The following OSBPL10 variants were observed in gnomAD, a reference collection of about 807,000 sequenced individuals.
OSBPL10 encodes the protein oxysterol-binding protein-related protein 10.
In OSBPL10, 49 loss-of-function variants were observed where a neutral mutation model predicts 81.7. The ratio of observed to expected loss-of-function variants is 0.60; its 90% confidence interval spans 0.48 to 0.76. The LOEUF (loss-of-function observed/expected upper bound fraction) is 0.76. Among genes scored for constraint, OSBPL10 ranks in the 30% least tolerant of loss-of-function variants. The probability of loss-of-function intolerance (pLI) is 0.00; values close to 1 mark genes in which losing one functional copy is unlikely to be tolerated. For missense variants in OSBPL10, 923 were observed against 987.8 expected, an observed-to-expected ratio of 0.93 and a Z score of 0.88; for synonymous variants, 419 against 383.6, an observed-to-expected ratio of 1.09 and a Z score of -1.08.
intron 4 of OSBPL10, among the ~76,000 whole-genome samples, chr3:31,752,273 A>G (rs753663803): frequency 1.3e-5 from 2 of 152,234 alleles, no homozygotes; most frequent in Non-Finnish European, 2.9e-5. Flanking sequence ...AAGGCACACC[A>G]ACATTAATCA....
intron 1 of OSBPL10, among the ~76,000 whole-genome samples, chr3:31,942,281 G>C (rs1697556849): frequency 6.6e-6 from 1 of 152,148 alleles, no homozygotes; most frequent in Admixed American, 6.5e-5. Context: ...GCTGAGCGCA[G>C]TGGCTCACGT....
At chr3:31,941,359 G>A (rs181241105) in intron 1 of OSBPL10, among the ~76,000 whole-genome samples, 4 of 152,278 alleles carry the variant, frequency 2.6e-5, no homozygotes, top group African/African-American at 9.6e-5. Context: ...TGAATCTCAG[G>A]GAGGGCATCC....
chr3:31,784,879 G>T (rs796475376), intron 4 of OSBPL10, among the ~76,000 whole-genome samples: 252 of 144,292 alleles, frequency 1.7e-3, no homozygotes, highest in African/African-American at 5.8e-3. Context: ...TAACTTTTTT[G>T]GGGGGGCGGG....
intron 2 of OSBPL10, among the ~76,000 whole-genome samples, chr3:31,999,420 G>A (rs565133204): frequency 2.0e-5 from 3 of 147,958 alleles, no homozygotes; most frequent in East Asian, 3.9e-4. Flanking sequence ...GAGTACAATG[G>A]CACAATCTCG....
chr3:31,977,108 G>A (rs1698714255), intron 1 of OSBPL10, among the ~76,000 whole-genome samples: 1 of 152,092 alleles, frequency 6.6e-6, no homozygotes, highest in Non-Finnish European at 1.5e-5. Context: ...CAGAACTCTT[G>A]GCCAAGCCTC....
intron 11 of OSBPL10, chr3:31,662,846 G>A (rs539595338): frequency 1.0e-6 from 1 of 985,456 alleles, no homozygotes; most frequent in South Asian, 4.7e-5. Context: ...GCTCCCTCAA[G>A]AGAAAAGGGA....
At chr3:31,984,275 C>T (rs1284815244), upstream of OSBPL10, among the ~76,000 whole-genome samples, 3 of 151,542 alleles carry the variant, frequency 2.0e-5, no homozygotes, top group Admixed American at 6.6e-5. Context: ...CTCGTGACCT[C>T]GTGATCCGCC....
At chr3:31,854,952 T>A (rs1419037222) in intron 3 of OSBPL10, among the ~76,000 whole-genome samples, 1 of 152,210 alleles carries the variant, frequency 6.6e-6, no homozygotes, top group East Asian at 1.9e-4. Context: ...TAATTCCATG[T>A]CAGTGTAAAA....
At chr3:31,721,616 C>T (rs533450081) in intron 6 of OSBPL10, 4 of 152,330 alleles carry the variant, frequency 2.6e-5, no homozygotes. Flanking sequence ...CTTTGTAAAC[C>T]ATGCTCCATT....
chr3:31,802,028 G>A (rs893762820), intron 4 of OSBPL10, among the ~76,000 whole-genome samples: 2 of 151,478 alleles, frequency 1.3e-5, no homozygotes, highest in Non-Finnish European at 2.9e-5. Flanking sequence ...TCTCCATATT[G>A]GTCAGGCTGG....
Position 31,913,253 on chromosome 3 carries a change from T to G in OSBPL10, c.282-33423A>C, listed in dbSNP as rs573598205. 5.0e-3 allele frequency among the ~76,000 whole-genome samples: 738 copies of G among 147,004 alleles called. 7 individuals carry two copies. The highest frequency in any genetic ancestry group is 0.018 in the African/African-American group (686 of 38,966). On this transcript the variant is annotated intron_variant, in intron 1 of 11. Transcript: ENST00000396556. Reference sequence around the variant, plus strand: ...GTTTTTTTTTTTATTTTGTTTTTTGTTTTTTTTTTCTTTAAGATGGAGTCT... The same window carrying G: ...GTTTTTTTTTTTATTTTGTTTTTTGGTTTTTTTTTCTTTAAGATGGAGTCT...
intron 1 of OSBPL10, among the ~76,000 whole-genome samples, chr3:31,953,290 G>A (rs889989032): frequency 1.3e-5 from 2 of 151,988 alleles, no homozygotes; most frequent in Non-Finnish European, 2.9e-5. Flanking sequence ...ACAGAAGCAA[G>A]GCAGGAAATA....
At chr3:31,872,287 G>T (rs1046035181) in intron 3 of OSBPL10, among the ~76,000 whole-genome samples, 12 of 152,166 alleles carry the variant, frequency 7.9e-5, no homozygotes, top group African/African-American at 2.9e-4. Context: ...TGACATCTGT[G>T]AGGCTAGATG....
At chr3:31,744,786 G>GGA (rs61086293) in intron 5 of OSBPL10, among the ~76,000 whole-genome samples, 56,497 of 146,840 alleles carry the variant, frequency 0.38, 12,798 homozygotes, top group East Asian at 0.76. Flanking sequence ...TGAAAATTAG[G>GGA]AAAAAAAAAA....
chr3:31,848,941 A>C (rs965494436), intron 3 of OSBPL10, among the ~76,000 whole-genome samples: 1 of 152,186 alleles, frequency 6.6e-6, no homozygotes, highest in East Asian at 1.9e-4. Context: ...ACTTAGCAAA[A>C]AGTTCAGAGT....
intron 3 of OSBPL10, among the ~76,000 whole-genome samples, chr3:31,857,494 G>A (rs2125588893): frequency 6.6e-6 from 1 of 151,906 alleles, no homozygotes; most frequent in African/African-American, 2.4e-5. Flanking sequence ...TCTCCCTGAA[G>A]ATAAAACGAC....
chr3:31,835,461 G>A (rs1700340280), intron 3 of OSBPL10, among the ~76,000 whole-genome samples: 3 of 151,982 alleles, frequency 2.0e-5, no homozygotes, highest in Admixed American at 6.6e-5. Context: ...GAGGGAAGGG[G>A]GTTTAAGATT....
At chr3:32,040,588 C>T (rs1699565897) in intron 2 of OSBPL10, among the ~76,000 whole-genome samples, 1 of 151,442 alleles carries the variant, frequency 6.6e-6, no homozygotes, top group Non-Finnish European at 1.5e-5. Flanking sequence ...GTAAGCAAAG[C>T]ACTTTGGGAG....
At chr3:31,842,023 C>A (rs1463743735) in intron 3 of OSBPL10, among the ~76,000 whole-genome samples, 1 of 152,132 alleles carries the variant, frequency 6.6e-6, no homozygotes, top group Admixed American at 6.5e-5. Flanking sequence ...CTTCTTTAAA[C>A]AAATCAAAAC....
Sources: gnomAD v4.1 joint callset for allele counts (sites outside exome capture counted in the v4.1 genomes callset) on GRCh38, gnomAD v4.1.1 for gene constraint, MANE v1.5 for transcripts, NCBI Gene and HGNC (gene_info 2026-07-23, HGNC 2026-07-21) for gene names.